SH3D21: variants seen among roughly 807,000 people sequenced by gnomAD.
SH3D21 encodes SH3 domain-containing protein 21.
A neutral mutation model predicts 82.1 loss-of-function variants in SH3D21; 83 were observed. The observed-to-expected ratio is 1.01, with a 90% confidence interval of 0.85 to 1.21. The LOEUF is 1.21. Ranked by LOEUF, SH3D21 falls within the 50% of genes most tolerant of loss-of-function variation. The pLI is 0.00. For synonymous variants in SH3D21, 383 were observed against 387.8 expected (o/e 0.99, Z 0.15); for missense variants, 980 against 962.1 (o/e 1.02, Z -0.25).
chr1:36,326,235 T>TTTCTTTC (rs370158086), downstream of SH3D21, among the ~76,000 whole-genome samples: 82 of 130,306 alleles, frequency 6.3e-4, no homozygotes, highest in East Asian at 4.5e-3. Context: ...TCTTTCTTTC[T>TTTCTTTC]TTTTTTTTTT....
chr1:36,308,493 A>T lies in SH3D21; in HGVS notation c.726+18A>T. 1 of 1,549,616 alleles carries T rather than the reference A, an allele frequency of 6.5e-7. No homozygotes were observed. Among genetic ancestry groups the T allele is most frequent in the Non-Finnish European group, 8.7e-7 (1 of 1,145,306 alleles). ...CACCCCCAGTGAGTACAGAGCCAAG[A>T]CACTCAGGTGGCAGGGGCAGGCTAT... On this transcript the variant is annotated intron_variant, in intron 9 of 15. Transcript: ENST00000453908.
downstream of SH3D21, chr1:36,324,734 G>T (rs1300967380): frequency 6.6e-6 from 1 of 152,230 alleles, no homozygotes; most frequent in African/African-American, 2.4e-5. Context: ...GGGACTCCTG[G>T]GTGTCTTTGT....
At position 36,306,378 on chromosome 1, in the gene SH3D21, C is replaced by T; in HGVS notation, c.-43C>T. On this transcript the variant is annotated 5_prime_UTR_variant, in exon 1 of 16. Transcript: ENST00000453908. This position sits in a 1 kb window ranked among gnomAD's most constrained non-coding sequence, Gnocchi z 4.5. The stretch of plus-strand genomic sequence containing the variant: ...ACCCTGCGCGGGCCCAGTACTCGGC[C>T]GTCAGAGGGAGCTGCCAGGCTCTGG... The T allele has an allele frequency of 3.1e-6, 4 of 1,305,302 alleles. No homozygotes were observed. Among genetic ancestry groups the T allele is most frequent in the Non-Finnish European group, 4.0e-6 (4 of 988,900 alleles). 80.9% of individuals were successfully genotyped at this position (1,305,302 alleles called of 1,614,324 possible).
At chr1:36,328,713 G>A (rs1247678754), downstream of SH3D21, 1 of 157,250 alleles carries the variant, frequency 6.4e-6, no homozygotes, top group Non-Finnish European at 1.4e-5. Context: ...TCAAGGCTAT[G>A]GTGAGCCGTG....
At chr1:36,314,848 A>C (rs1023728811) in intron 10 of SH3D21, among the ~76,000 whole-genome samples, 2 of 152,064 alleles carry the variant, frequency 1.3e-5, no homozygotes, top group Admixed American at 6.6e-5. Flanking sequence ...ACCAATGTCA[A>C]ATCCCAAGAT....
intron 13 of SH3D21, 27 bp downstream of exon 13, chr1:36,319,563 G>A (rs770565842): frequency 7.7e-6 from 12 of 1,551,492 alleles, no homozygotes; most frequent in Non-Finnish European, 1.0e-5. Context: ...ATGGGAGAGT[G>A]GGGATGCTGG....
At chr1:36,309,388 G>T (rs1406895790) in intron 9 of SH3D21, 160 bp from the exon 10 acceptor site, 1 of 697,312 alleles carries the variant, frequency 1.4e-6, no homozygotes. Flanking sequence ...GTAGAGACGG[G>T]ATTTTGCCAT....
At chr1:36,322,868 G>C (rs1646491438), downstream of SH3D21, 4 of 1,529,828 alleles carry the variant, frequency 2.6e-6, no homozygotes, top group South Asian at 1.2e-5. Flanking sequence ...GCGGGCAAGA[G>C]GGCGGGGAGC....
chr1:36,319,212 GC>G, intron 11 of SH3D21, 47 bp from the exon 12 acceptor site: 1 of 1,548,728 alleles, frequency 6.5e-7, no homozygotes. Context: ...AGGAGGCAAC[GC>G]CCCTCCCTGT....
At chr1:36,316,382 G>A (rs908837510) in intron 10 of SH3D21, among the ~76,000 whole-genome samples, 1 of 152,120 alleles carries the variant, frequency 6.6e-6, no homozygotes, top group Non-Finnish European at 1.5e-5. Context: ...TTACAGGCAC[G>A]CGCCACCACG....
intron 11 of SH3D21, 35 bp from the exon 12 acceptor site, chr1:36,319,225 C>A: frequency 6.4e-7 from 1 of 1,551,350 alleles, no homozygotes; most frequent in Non-Finnish European, 8.7e-7. Flanking sequence ...CCTCCCTGTG[C>A]CCCACCCTGA....
In SH3D21 at chr1:36,306,919, C is replaced by G. The variant is rs769638344; in HGVS notation, c.226+14C>G. ...CGCGCCGCCGAGGTGAGCGCAAGGGCGGGGACGGGCGCCGGTGGGCGGGTG... is the reference window on the plus strand; with the variant it reads ...CGCGCCGCCGAGGTGAGCGCAAGGGGGGGGACGGGCGCCGGTGGGCGGGTG... On this transcript the variant is annotated intron_variant, in intron 3 of 15. Transcript: ENST00000453908. The surrounding 1 kb of genome is among the most constrained non-coding windows in gnomAD (Gnocchi z 4.5). 8 of 1,318,810 alleles carry G rather than the reference C, an allele frequency of 6.1e-6. No individual in the cohort carries two copies. The highest frequency in any genetic ancestry group is 1.3e-5 in the South Asian group (1 of 77,252). The allele number at this position is 1,318,810 out of a possible 1,614,324, so 81.7% of individuals were successfully genotyped here. A position where few individuals can be genotyped will look rare whatever the true frequency, so the allele number is the denominator to read the frequency against.
chr1:36,329,206 TAAAAG>T (rs1440219187), downstream of SH3D21: 1 of 152,180 alleles, frequency 6.6e-6, no homozygotes, highest in Admixed American at 6.5e-5. Flanking sequence ...ATATAAGAAA[TAAAAG>T]GTAATGATAA....
chr1:36,327,330 AT>A (rs1646555186), downstream of SH3D21, among the ~76,000 whole-genome samples: 1 of 152,174 alleles, frequency 6.6e-6, no homozygotes, highest in Non-Finnish European at 1.5e-5. Context: ...CTGGGAGTGC[AT>A]GAGCATGTTT....
chr1:36,327,687 G>T, downstream of SH3D21: 3 of 1,196,890 alleles, frequency 2.5e-6, no homozygotes, highest in Non-Finnish European at 3.2e-6. Context: ...CAGAGAGAGG[G>T]ACGCACATTA....
At chr1:36,310,303 C>T (rs1263493551) in intron 10 of SH3D21, among the ~76,000 whole-genome samples, 1 of 152,118 alleles carries the variant, frequency 6.6e-6, no homozygotes, top group African/African-American at 2.4e-5. Context: ...GTATATATAA[C>T]ACATATGTTA....
At chr1:36,328,169 G>A (rs1320296760), downstream of SH3D21, 1 of 456,084 alleles carries the variant, frequency 2.2e-6, no homozygotes, top group Non-Finnish European at 4.4e-6. Context: ...ACACAGGAAG[G>A]ACAGGCCTTG....
chr1:36,311,141 T>C (rs1557475156), intron 10 of SH3D21, among the ~76,000 whole-genome samples: 2 of 152,198 alleles, frequency 1.3e-5, no homozygotes, highest in Non-Finnish European at 2.9e-5. Context: ...ACTCCTGAGC[T>C]CAGGCAATCC....
chr1:36,321,166 G>C lies in SH3D21; in HGVS notation c.*39G>C, dbSNP rs1335540168. 1.4e-5 allele frequency: 22 copies of C among 1,598,254 alleles called. No individual in the cohort carries two copies. The highest frequency in any genetic ancestry group is 1.8e-5 in the Non-Finnish European group (21 of 1,172,988). On this transcript the variant is annotated 3_prime_UTR_variant, in exon 16 of 16. Transcript: ENST00000453908. This position sits in a 1 kb window ranked among gnomAD's most constrained non-coding sequence, Gnocchi z 6.1. ...AAGGGACCGCGGCCTGACCTGGCTG[G>C]GGCCACCCACGTCCTTGCACACGAC...
Sources: allele counts gnomAD v4.1 joint callset (sites outside exome capture counted in the v4.1 genomes callset), GRCh38; gene constraint gnomAD v4.1.1; non-coding constraint Gnocchi (gnomAD v3.1); transcripts MANE v1.5; gene names NCBI Gene and HGNC (gene_info 2026-07-23, HGNC 2026-07-21).